The following SPATA6 variants were observed in gnomAD, a reference collection of about 807,000 sequenced individuals.
The protein encoded by SPATA6 is spermatogenesis-associated protein 6.
Under a neutral mutation model 65.3 loss-of-function variants are expected in SPATA6, and 56 were observed. That is an observed-to-expected ratio of 0.86 (90% CI 0.69 to 1.07). SPATA6 has a LOEUF of 1.07. SPATA6 is among the 50% of genes least tolerant of loss of function. The pLI is 0.00. For missense variants in SPATA6, 590 were observed against 594.8 expected, an observed-to-expected ratio of 0.99 and a Z score of 0.08; for synonymous variants, 199 against 213.2, an observed-to-expected ratio of 0.93 and a Z score of 0.58.
At chr1:48,301,179 T>C (rs1241383346) in intron 12 of SPATA6, among the ~76,000 whole-genome samples, 1 of 151,844 alleles carries the variant, frequency 6.6e-6, no homozygotes, top group Non-Finnish European at 1.5e-5. Context: ...ATAAACACAT[T>C]TAGTAAGGTT....
chr1:48,425,859 T>C (rs1653789333), intron 3 of SPATA6, among the ~76,000 whole-genome samples: 1 of 152,010 alleles, frequency 6.6e-6, no homozygotes, highest in Non-Finnish European at 1.5e-5. Context: ...AAAATGCTTC[T>C]TGAAGATTAT....
chr1:48,390,742 TCTCA>T (rs1320922958), intron 8 of SPATA6, among the ~76,000 whole-genome samples: 2 of 152,320 alleles, frequency 1.3e-5, no homozygotes, highest in African/African-American at 2.4e-5. Flanking sequence ...AATTCTACTT[TCTCA>T]CTCACACATA....
chr1:48,468,538 T>C (rs1235967700), intron 1 of SPATA6, among the ~76,000 whole-genome samples: 1 of 152,136 alleles, frequency 6.6e-6, no homozygotes, highest in Non-Finnish European at 1.5e-5. Context: ...ATTTCCATCA[T>C]CTCCTATACT....
At chr1:48,398,812 A>G (rs1437739908) in intron 7 of SPATA6, among the ~76,000 whole-genome samples, 2 of 151,868 alleles carry the variant, frequency 1.3e-5, no homozygotes. Context: ...CAGTACAGAG[A>G]CTAGAACTAG....
In SPATA6 at chr1:48,297,501, T is replaced by C. The variant is rs1304999324; in HGVS notation, c.*1212A>G. The C allele has an allele frequency of 6.6e-6, 1 of 152,186 alleles. No individual in the cohort carries two copies. The allele number at this position is 152,186 out of a possible 1,614,324, so 9.4% of individuals were successfully genotyped here. ...AAAAATAAGTCAGCAAGTTTCACAT[T>C]TTAATTTCATTTTAAAGGAAGTTCA... is the stretch of plus-strand genomic sequence containing the variant. On this transcript the variant is annotated 3_prime_UTR_variant, in exon 13 of 13. Coordinates refer to ENST00000371847, the MANE Select transcript of SPATA6 (RefSeq NM_019073.4).
intron 11 of SPATA6, among the ~76,000 whole-genome samples, chr1:48,329,077 T>C (rs1243598102): frequency 1.3e-5 from 2 of 152,154 alleles, no homozygotes; most frequent in African/African-American, 2.4e-5. Flanking sequence ...ACATTTCAAA[T>C]AATTCAAAGT....
intron 3 of SPATA6, among the ~76,000 whole-genome samples, chr1:48,438,400 GC>G (rs1346459217): frequency 3.3e-5 from 5 of 152,170 alleles, no homozygotes; most frequent in African/African-American, 1.2e-4. Flanking sequence ...GACTAGCGCA[GC>G]CGCCGGACTA....
In SPATA6 at chr1:48,453,080, T is replaced by C; in HGVS notation, c.103A>G (p.Ile35Val). The change falls in exon 2 of 13, where the codon ATC (isoleucine) becomes GTC (valine). Residue 35 changes from isoleucine (I) to valine (V), a missense_variant. Transcript: ENST00000371847. ...LKDKEDIYLS[I>V]CVFGQYKKTQ... ...TTTTTGTATTGGCCAAACACACAGA[T>C]GCTAAGATAGATGTCCTCTTTGTCT... is the stretch of plus-strand genomic sequence containing the variant. The C allele has an allele frequency of 6.2e-7, 1 of 1,614,010 alleles. No individual in the cohort carries two copies. The highest frequency in any genetic ancestry group is 8.5e-7 in the Non-Finnish European group (1 of 1,179,978).
intron 9 of SPATA6, among the ~76,000 whole-genome samples, chr1:48,379,712 G>A (rs1648330199): frequency 6.6e-6 from 1 of 152,098 alleles, no homozygotes; most frequent in Non-Finnish European, 1.5e-5. Flanking sequence ...CATAATCTTT[G>A]CAGTATTTGC....
At chr1:48,346,978 A>G (rs1646382572) in intron 11 of SPATA6, among the ~76,000 whole-genome samples, 1 of 152,052 alleles carries the variant, frequency 6.6e-6, no homozygotes, top group African/African-American at 2.4e-5. Flanking sequence ...TAAAATTCAT[A>G]TTAAACCAAA....
chr1:48,316,696 C>G (rs1439282364), intron 11 of SPATA6, among the ~76,000 whole-genome samples: 1 of 152,144 alleles, frequency 6.6e-6, no homozygotes, highest in Admixed American at 6.5e-5. Flanking sequence ...TCTAATTAAA[C>G]TAAAGAGCTT....
At chr1:48,276,123 G>C in the SPATA6 span, among the ~76,000 whole-genome samples, 4 of 152,164 alleles carry the variant, frequency 2.6e-5, no homozygotes, top group Non-Finnish European at 5.9e-5. Flanking sequence ...TATTTGCATA[G>C]AGGTGTTTAT....
chr1:48,370,217 T>G (rs575420111), intron 9 of SPATA6, among the ~76,000 whole-genome samples: 6 of 152,314 alleles, frequency 3.9e-5, no homozygotes, highest in Admixed American at 6.5e-5. Context: ...CACACACTAT[T>G]CTCTAAAGTT....
intron 12 of SPATA6, among the ~76,000 whole-genome samples, chr1:48,301,642 T>C (rs577359727): frequency 2.0e-5 from 3 of 151,866 alleles, no homozygotes; most frequent in African/African-American, 7.2e-5. Context: ...TGTGACGTTA[T>C]AGTAACCAAA....
intron 11 of SPATA6, among the ~76,000 whole-genome samples, chr1:48,312,907 C>T (rs767555654): frequency 1.3e-5 from 2 of 152,112 alleles, no homozygotes. Context: ...AATGCACAAG[C>T]CTCAGTAGCT....
the SPATA6 span, among the ~76,000 whole-genome samples, chr1:48,272,122 C>T: frequency 6.6e-6 from 1 of 152,114 alleles, no homozygotes; most frequent in Non-Finnish European, 1.5e-5. Flanking sequence ...TATGTATACA[C>T]TATAAAATGA....
rs1193117819 is a variant in SPATA6, at chr1:48,325,511, C to G, written c.1195-19633G>C. On this transcript the variant is annotated intron_variant, in intron 11 of 12. Coordinates refer to ENST00000371847, the MANE Select transcript of SPATA6 (RefSeq NM_019073.4). Reference sequence around the variant, plus strand: ...TCTCTGAGTTGATGATCTCATCATCCTCACTGAATGTCACCCGGGAGTTCT... The same window carrying G: ...TCTCTGAGTTGATGATCTCATCATCGTCACTGAATGTCACCCGGGAGTTCT... 2.4e-6 allele frequency: 3 copies of G among 1,227,510 alleles called. No individual in the cohort carries two copies. In the African/African-American group the frequency reaches 4.5e-5, roughly 18 times the overall value. The allele number at this position is 1,227,510 out of a possible 1,614,324, so 76.0% of individuals were successfully genotyped here. A position where few individuals can be genotyped will look rare whatever the true frequency, so the allele number is the denominator to read the frequency against.
intron 3 of SPATA6, among the ~76,000 whole-genome samples, chr1:48,430,602 G>A (rs1654310734): frequency 6.6e-6 from 1 of 151,988 alleles, no homozygotes; most frequent in African/African-American, 2.4e-5. Flanking sequence ...TATAACAATG[G>A]GTTGTAACTC....
the SPATA6 span, among the ~76,000 whole-genome samples, chr1:48,284,901 C>T: frequency 2.0e-4 from 30 of 152,102 alleles, no homozygotes; most frequent in Admixed American, 1.6e-3. Context: ...TCAGGAGACA[C>T]GGGGCTCAGG....
Sources: gnomAD v4.1 joint callset for allele counts (sites outside exome capture counted in the v4.1 genomes callset) on GRCh38, gnomAD v4.1.1 for gene constraint, MANE v1.5 for transcripts, NCBI Gene and HGNC (gene_info 2026-07-23, HGNC 2026-07-21) for gene names.